The following P3H2 variants were observed in gnomAD, a reference collection of about 807,000 sequenced individuals.
The protein encoded by P3H2 is leprecan-like 1.
A neutral mutation model predicts 87.0 loss-of-function variants in P3H2; 80 were observed. The observed-to-expected ratio is 0.92, with a 90% confidence interval of 0.77 to 1.11. The LOEUF (loss-of-function observed/expected upper bound fraction) is 1.11. P3H2 is among the 50% of genes least tolerant of loss of function. P3H2 has a pLI of 0.00. For synonymous variants in P3H2, 367 were observed against 359.3 expected, an observed-to-expected ratio of 1.02 and a Z score of -0.24; for missense variants, 1,001 against 923.9, an observed-to-expected ratio of 1.08 and a Z score of -1.08.
At chr3:190,108,459 T>A (rs991225874) in intron 1 of P3H2, among the ~76,000 whole-genome samples, 5 of 152,206 alleles carry the variant, frequency 3.3e-5, no homozygotes, top group African/African-American at 1.2e-4. Flanking sequence ...AAAACACTGA[T>A]TTAAACATTT....
intron 1 of P3H2, among the ~76,000 whole-genome samples, chr3:190,053,696 G>A (rs1483592814): frequency 6.6e-6 from 1 of 152,062 alleles, no homozygotes; most frequent in Non-Finnish European, 1.5e-5. Context: ...GACCTCAGGT[G>A]ATCCACGCGC....
intron 1 of P3H2, among the ~76,000 whole-genome samples, chr3:190,080,567 A>C (rs1727010853): frequency 1.3e-5 from 2 of 151,774 alleles, no homozygotes; most frequent in Admixed American, 6.6e-5. Flanking sequence ...CGCCCAGTTA[A>C]TTTTTTGTAT....
intron 1 of P3H2, 152 bp downstream of exon 1, chr3:190,120,100 G>A (rs1182014803): frequency 1.2e-6 from 1 of 855,566 alleles, no homozygotes; most frequent in East Asian, 2.7e-5. Flanking sequence ...CAGAGATAGG[G>A]CCACCAGATA....
Position 190,003,495 on chromosome 3 carries a change from TAAAAAAAA to T in P3H2, c.481-8061_481-8054del, listed in dbSNP as rs5855293. Among the ~76,000 whole-genome samples, 16 of 146,086 alleles carry T rather than the reference TAAAAAAAA, an allele frequency of 1.1e-4. No homozygotes were observed. The East Asian group carries it at 2.6e-3, about 24-fold the overall frequency. ...ATTAAAAATGAAATGCCCTTGATGT[TAAAAAAAA>T]AAAAAAAACTATCTAAGTATTAGCC... On this transcript the variant is annotated intron_variant, in intron 1 of 14. Transcript: ENST00000319332.
chr3:190,051,360 T>A (rs1290594417), intron 1 of P3H2, among the ~76,000 whole-genome samples: 1 of 48,918 alleles, frequency 2.0e-5, no homozygotes, highest in African/African-American at 1.1e-4. Context: ...TTTTATGGCA[T>A]TAAGATGTCA....
chr3:190,118,668 G>A (rs1282995307), intron 1 of P3H2, among the ~76,000 whole-genome samples: 1 of 152,040 alleles, frequency 6.6e-6, no homozygotes, highest in Non-Finnish European at 1.5e-5. Context: ...TTTATACTTA[G>A]TTGAAATTTC....
chr3:190,091,989 T>C (rs549862494), intron 1 of P3H2, among the ~76,000 whole-genome samples: 1 of 152,278 alleles, frequency 6.6e-6, no homozygotes, highest in South Asian at 2.1e-4. Flanking sequence ...TCCCAGCACT[T>C]TGGGAGGCCG....
chr3:190,059,325 T>C (rs1016713057), intron 1 of P3H2, among the ~76,000 whole-genome samples: 8 of 152,044 alleles, frequency 5.3e-5, no homozygotes. Context: ...GTTTGGCAAC[T>C]GTATTCCAGG....
At chr3:189,959,860 ATGTGTG>A (rs75204350) in intron 14 of P3H2, among the ~76,000 whole-genome samples, 7,489 of 134,582 alleles carry the variant, frequency 0.056, 321 homozygotes, top group East Asian at 0.2. Flanking sequence ...TGGAGGAGAT[ATGTGTG>A]TGTGTGTGTG....
chr3:190,007,237 G>A (rs1021751527), intron 1 of P3H2, among the ~76,000 whole-genome samples: 2 of 152,112 alleles, frequency 1.3e-5, no homozygotes. Context: ...AAAATTTTGG[G>A]GAAACCCTTG....
At chr3:189,990,993 G>A (rs1035009778) in intron 3 of P3H2, among the ~76,000 whole-genome samples, 1 of 152,154 alleles carries the variant, frequency 6.6e-6, no homozygotes, top group African/African-American at 2.4e-5. Context: ...ACTGTTCAGT[G>A]GCCATTGGTG....
chr3:190,003,629 G>T (rs1356045078), intron 1 of P3H2, among the ~76,000 whole-genome samples: 1 of 152,208 alleles, frequency 6.6e-6, no homozygotes, highest in East Asian at 1.9e-4. Context: ...ATGGCTGCTG[G>T]GTAAGAAGGA....
At chr3:190,089,124 G>A (rs938435589) in intron 1 of P3H2, among the ~76,000 whole-genome samples, 2 of 152,122 alleles carry the variant, frequency 1.3e-5, no homozygotes, top group Non-Finnish European at 2.9e-5. Context: ...AGTGACTAAG[G>A]AAGTTTCCAA....
intron 1 of P3H2, among the ~76,000 whole-genome samples, chr3:190,110,595 T>C (rs1045058788): frequency 1.3e-5 from 2 of 152,234 alleles, no homozygotes; most frequent in Non-Finnish European, 2.9e-5. Flanking sequence ...AAATAGCACA[T>C]GCTTCAGTGG....
At chr3:190,053,587 A>G (rs1726053886) in intron 1 of P3H2, among the ~76,000 whole-genome samples, 2 of 151,468 alleles carry the variant, frequency 1.3e-5, no homozygotes, top group African/African-American at 4.8e-5. Context: ...CCTCCTTAGT[A>G]GCTGGGATTA....
intron 1 of P3H2, among the ~76,000 whole-genome samples, chr3:190,067,295 AAGG>A (rs1483195845): frequency 6.6e-6 from 1 of 152,120 alleles, no homozygotes; most frequent in Non-Finnish European, 1.5e-5. Context: ...AAGGAAGAGA[AAGG>A]AGAAGGAAGA....
intron 1 of P3H2, among the ~76,000 whole-genome samples, chr3:190,098,615 G>A (rs1711508998): frequency 6.6e-6 from 1 of 152,046 alleles, no homozygotes; most frequent in Admixed American, 6.6e-5. Context: ...CCTCCTTTCT[G>A]GATGAGAAAA....
intron 1 of P3H2, among the ~76,000 whole-genome samples, chr3:190,099,159 G>A (rs567503414): frequency 6.6e-5 from 10 of 151,974 alleles, no homozygotes; most frequent in Non-Finnish European, 1.2e-4. Flanking sequence ...ACTTCTTGCA[G>A]CAAAAATACT....
At position 189,968,609 on chromosome 3, in the gene P3H2, T is replaced by C. The variant is rs532396242; in HGVS notation, c.1893+2207A>G. 6.7e-3 allele frequency among the ~76,000 whole-genome samples: 1,014 copies of C among 152,124 alleles called. 9 individuals carry two copies. The highest frequency in any genetic ancestry group is 0.011 in the Non-Finnish European group (715 of 67,964). On this transcript the variant is annotated intron_variant, in intron 13 of 14. Transcript: ENST00000319332. ...ATTTATAATCCTTTGGGTATATACCTAGTAATGGGATTGCTGGGTCAAATG... is the reference window on the plus strand; with the variant it reads ...ATTTATAATCCTTTGGGTATATACCCAGTAATGGGATTGCTGGGTCAAATG...
Sources: allele counts gnomAD v4.1 joint callset (sites outside exome capture counted in the v4.1 genomes callset), GRCh38; gene constraint gnomAD v4.1.1; transcripts MANE v1.5; gene names NCBI Gene and HGNC (gene_info 2026-07-23, HGNC 2026-07-21).